Variants in SPOP observed in about 807,000 individuals in gnomAD.
The protein encoded by SPOP is speckle type BTB/POZ protein.
In SPOP, 11 loss-of-function variants were observed where a neutral mutation model predicts 45.6. The observed-to-expected ratio is 0.24, with a 90% confidence interval of 0.15 to 0.40. The LOEUF is 0.40. SPOP is among the 10% of genes least tolerant of loss of function. The probability of loss-of-function intolerance (pLI) is 1.00; values close to 1 mark genes in which losing one functional copy is unlikely to be tolerated. For synonymous variants in SPOP, 166 were observed against 166.3 expected (o/e 1.00, Z 0.01); for missense variants, 152 against 465.6 (o/e 0.33, Z 6.20).
rs148980877 is a variant in SPOP, at chr17:49,624,923, A to G, written c.-66-2047T>C. ...TATATAAATTATTTCTGTGAAATCA[A>G]TTGGGTGTTATCTAGTACAGTGGAA... On this transcript the variant is annotated intron_variant, in intron 1 of 9. Coordinates refer to ENST00000504102, the MANE Select transcript of SPOP (RefSeq NM_001007228.2). 1.6e-3 allele frequency among the ~76,000 whole-genome samples: 238 copies of G among 152,300 alleles called. 1 individual carries two copies. Among genetic ancestry groups the G allele is most frequent in the African/African-American group, 5.5e-3 (228 of 41,568 alleles).
chr17:49,606,682 A>G (rs1179680260), intron 8 of SPOP, among the ~76,000 whole-genome samples: 2 of 151,052 alleles, frequency 1.3e-5, no homozygotes, highest in Admixed American at 1.3e-4. Context: ...TTTAGTAGAG[A>G]TGGGGTTTCG....
intron 1 of SPOP, among the ~76,000 whole-genome samples, chr17:49,655,264 C>T (rs1295005231): frequency 6.6e-6 from 1 of 152,178 alleles, no homozygotes; most frequent in African/African-American, 2.4e-5. Context: ...GTAATCCCAG[C>T]ACTTTGGGAG....
intron 1 of SPOP, among the ~76,000 whole-genome samples, chr17:49,648,099 G>C (rs1473050104): frequency 1.3e-5 from 2 of 152,116 alleles, no homozygotes; most frequent in Non-Finnish European, 2.9e-5. Context: ...CAGCTGTCCT[G>C]CTTCTCAATG....
intron 5 of SPOP, among the ~76,000 whole-genome samples, chr17:49,615,882 G>C (rs902517910): frequency 6.6e-6 from 1 of 152,128 alleles, no homozygotes; most frequent in African/African-American, 2.4e-5. Flanking sequence ...CCTGGGCACT[G>C]CTTCTCTCCC....
At chr17:49,643,568 A>G (rs528210689) in intron 1 of SPOP, among the ~76,000 whole-genome samples, 3 of 152,288 alleles carry the variant, frequency 2.0e-5, no homozygotes, top group Admixed American at 1.3e-4. Flanking sequence ...CTGAACTTAT[A>G]AAGTAATATA....
At chr17:49,610,604 T>C (rs534828960) in intron 6 of SPOP, among the ~76,000 whole-genome samples, 6 of 152,298 alleles carry the variant, frequency 3.9e-5, no homozygotes, top group Non-Finnish European at 7.4e-5. Context: ...TTTTACCAGG[T>C]GTGTACTTTA....
chr17:49,632,236 C>A (rs2072463977), intron 1 of SPOP, among the ~76,000 whole-genome samples: 1 of 152,166 alleles, frequency 6.6e-6, no homozygotes, highest in South Asian at 2.1e-4. Context: ...AGAAAACTAT[C>A]AAGTCACTCC....
chr17:49,653,446 T>C (rs1175656281), intron 1 of SPOP, among the ~76,000 whole-genome samples: 1 of 152,080 alleles, frequency 6.6e-6, no homozygotes, highest in Non-Finnish European at 1.5e-5. Flanking sequence ...ATTTTCCCTG[T>C]AGACACACTT....
At chr17:49,640,382 A>G (rs2072624897) in intron 1 of SPOP, among the ~76,000 whole-genome samples, 2 of 152,184 alleles carry the variant, frequency 1.3e-5, no homozygotes, top group East Asian at 1.9e-4. Flanking sequence ...AAAAAAGACA[A>G]TTTAGGATGA....
intron 1 of SPOP, among the ~76,000 whole-genome samples, chr17:49,671,701 T>G (rs1368722667): frequency 6.6e-6 from 1 of 152,168 alleles, no homozygotes; most frequent in Non-Finnish European, 1.5e-5. Flanking sequence ...TTACCTCAAT[T>G]TTTTAGTAGA....
Position 49,632,343 on chromosome 17 carries a change from G to A in SPOP, c.-66-9467C>T, listed in dbSNP as rs146800881. 2.3e-3 allele frequency among the ~76,000 whole-genome samples: 347 copies of A among 152,258 alleles called. 3 individuals carry two copies. Among genetic ancestry groups the A allele is most frequent in the Middle Eastern group, 3.4e-3 (1 of 294 alleles). On this transcript the variant is annotated intron_variant, in intron 1 of 9. Transcript: ENST00000504102. Reference sequence around the variant, plus strand: ...CAAGAAAACGGAAGAAAAGGGAAACGTACAGAGCTATGGGGGGAGTTCCTG... The same window carrying A: ...CAAGAAAACGGAAGAAAAGGGAAACATACAGAGCTATGGGGGGAGTTCCTG...
chr17:49,654,580 C>T (rs2072883247), intron 1 of SPOP, among the ~76,000 whole-genome samples: 1 of 152,008 alleles, frequency 6.6e-6, no homozygotes, highest in African/African-American at 2.4e-5. Flanking sequence ...AGCTCAGGAG[C>T]TCCAGACCAC....
chr17:49,626,370 TG>T (rs2072331191), intron 1 of SPOP, among the ~76,000 whole-genome samples: 3 of 152,200 alleles, frequency 2.0e-5, no homozygotes. Context: ...TTTTGGAATC[TG>T]CCTCAAATCC....
intron 1 of SPOP, among the ~76,000 whole-genome samples, chr17:49,655,465 C>G (rs576587770): frequency 6.6e-6 from 1 of 151,636 alleles, no homozygotes; most frequent in Admixed American, 6.6e-5. Context: ...GGGCCGAGAT[C>G]GCGTCACTGC....
intron 1 of SPOP, among the ~76,000 whole-genome samples, chr17:49,671,198 G>A (rs576800956): frequency 6.6e-6 from 1 of 152,208 alleles, no homozygotes; most frequent in South Asian, 2.1e-4. Flanking sequence ...ACAGAAGCGA[G>A]TCAAACACTA....
In SPOP at chr17:49,643,014, T is replaced by C. The variant is rs2072687957; in HGVS notation, c.-66-20138A>G. On this transcript the variant is annotated intron_variant, in intron 1 of 9. Transcript: ENST00000504102. ...CCCTAAGACAAGAACAGATCTGAGA[T>C]AAAATACACAGGCATCTGATATACT... Among the ~76,000 whole-genome samples, 4 of 152,248 alleles carry C rather than the reference T, an allele frequency of 2.6e-5. No homozygotes were observed. In the South Asian group the frequency reaches 8.3e-4, roughly 31 times the overall value.
intron 5 of SPOP, among the ~76,000 whole-genome samples, chr17:49,614,328 T>A: frequency 6.6e-6 from 1 of 152,288 alleles, no homozygotes; most frequent in East Asian, 1.9e-4. Flanking sequence ...ATGGATGAAG[T>A]ATAGTTATAT....
intron 1 of SPOP, among the ~76,000 whole-genome samples, chr17:49,674,814 C>A (rs922792524): frequency 6.6e-6 from 1 of 152,160 alleles, no homozygotes; most frequent in Non-Finnish European, 1.5e-5. Context: ...CTAGCATTGT[C>A]ATGGATTTGC....
intron 8 of SPOP, among the ~76,000 whole-genome samples, chr17:49,604,770 G>A (rs976914754): frequency 1.3e-5 from 2 of 152,156 alleles, no homozygotes; most frequent in South Asian, 2.1e-4. Context: ...TCCACAGACC[G>A]CAGGGCCTAG....
Sources: allele counts gnomAD v4.1 joint callset (sites outside exome capture counted in the v4.1 genomes callset), GRCh38; gene constraint gnomAD v4.1.1; transcripts MANE v1.5; gene names NCBI Gene and HGNC (gene_info 2026-07-23, HGNC 2026-07-21).